Variants in CTNNA3 observed in about 807,000 individuals in gnomAD.
The protein encoded by CTNNA3 is catenin alpha 3.
Under a neutral mutation model 95.7 loss-of-function variants are expected in CTNNA3, and 76 were observed. The observed-to-expected ratio is 0.79, with a 90% CI of 0.66 to 0.96. The LOEUF is 0.96. Ranked by LOEUF, CTNNA3 falls within the 40% of genes least tolerant of loss-of-function variation. CTNNA3 has a pLI of 0.00. For missense variants in CTNNA3, 1,191 were observed against 1,089.8 expected (o/e 1.09, Z -1.31); for synonymous variants, 431 against 374.4 (o/e 1.15, Z -1.74).
intron 9 of CTNNA3, among the ~76,000 whole-genome samples, chr10:66,710,522 T>C (rs949443457): frequency 6.6e-6 from 1 of 151,942 alleles, no homozygotes; most frequent in Non-Finnish European, 1.5e-5. Flanking sequence ...TTATCTTTAA[T>C]GAAGATAATT....
chr10:67,442,165 GGT>G (rs1272436003), intron 5 of CTNNA3, among the ~76,000 whole-genome samples: 28 of 151,752 alleles, frequency 1.8e-4, no homozygotes, highest in Admixed American at 1.8e-3. Context: ...TAAAATAACG[GGT>G]TATAAGATAG....
chr10:66,079,399 C>T (rs1271954020), intron 14 of CTNNA3: 1 of 151,862 alleles, frequency 6.6e-6, no homozygotes, highest in Non-Finnish European at 1.5e-5. Flanking sequence ...TTTATAATGA[C>T]AAATTATATG....
At chr10:67,126,538 G>A (rs550311995) in intron 7 of CTNNA3, among the ~76,000 whole-genome samples, 2 of 152,166 alleles carry the variant, frequency 1.3e-5, no homozygotes, top group African/African-American at 4.8e-5. Context: ...GCAACAGAGC[G>A]ACAGAGCAAG....
intron 9 of CTNNA3, among the ~76,000 whole-genome samples, chr10:66,752,073 T>C (rs1050528547): frequency 4.6e-5 from 7 of 152,106 alleles, no homozygotes; most frequent in African/African-American, 1.7e-4. Context: ...ATCTTAACAA[T>C]AGTTGTGTAG....
rs533917090 is a variant in CTNNA3, at chr10:66,886,265, G to A, written c.1048-110741C>T. 8.1e-4 allele frequency among the ~76,000 whole-genome samples: 124 copies of A among 152,176 alleles called. 1 individual carries two copies. Among genetic ancestry groups the A allele is most frequent in the Non-Finnish European group, 1.6e-3 (112 of 68,008 alleles). ...GCCCACTTATAAGCTCAACAGACCTGGTCTCTTATTGCGAGAAACCCATTT... is the reference window on the plus strand; with the variant it reads ...GCCCACTTATAAGCTCAACAGACCTAGTCTCTTATTGCGAGAAACCCATTT... On this transcript the variant is annotated intron_variant, in intron 7 of 17. Transcript: ENST00000433211.
At chr10:66,382,534 A>C (rs989916439) in intron 11 of CTNNA3, among the ~76,000 whole-genome samples, 18 of 150,434 alleles carry the variant, frequency 1.2e-4, no homozygotes, top group African/African-American at 4.1e-4. Context: ...CAACTTTGGC[A>C]GGCATAAACG....
intron 7 of CTNNA3, among the ~76,000 whole-genome samples, chr10:66,994,476 G>T (rs1271547323): frequency 6.6e-6 from 1 of 152,114 alleles, no homozygotes; most frequent in African/African-American, 2.4e-5. Context: ...CCAAATATCT[G>T]CAATTCCTAG....
chr10:65,998,950 T>A (rs940937533), intron 15 of CTNNA3, among the ~76,000 whole-genome samples: 2 of 152,214 alleles, frequency 1.3e-5, no homozygotes, highest in African/African-American at 4.8e-5. Context: ...TTTCCCATGG[T>A]GCTTCTCAAA....
At chr10:66,958,376 A>C (rs1848940370) in intron 7 of CTNNA3, among the ~76,000 whole-genome samples, 1 of 150,924 alleles carries the variant, frequency 6.6e-6, no homozygotes, top group East Asian at 1.9e-4. Context: ...CTTGAAAGCT[A>C]TTAATAGAAA....
rs529966059 is a variant in CTNNA3, at chr10:66,894,631, C to G, written c.1048-119107G>C. Among the ~76,000 whole-genome samples the G allele has an allele frequency of 8.0e-4, 122 of 152,066 alleles. 1 individual carries two copies. The highest frequency in any genetic ancestry group is 2.8e-3 in the African/African-American group (116 of 41,538). The stretch of plus-strand genomic sequence containing the variant: ...TTTAGTATAGGAGTCTATATACTTA[C>G]TGAAAAATTAATTTTCTTATTCCTC... On this transcript the variant is annotated intron_variant, in intron 7 of 17. Transcript: ENST00000433211.
At chr10:66,551,040 A>ACG (rs1554816374) in intron 10 of CTNNA3, among the ~76,000 whole-genome samples, 2 of 151,894 alleles carry the variant, frequency 1.3e-5, no homozygotes, top group Non-Finnish European at 2.9e-5. Context: ...GAGAAAAATA[A>ACG]CTGTTTTCTG....
chr10:67,110,260 T>C (rs1233954886), intron 7 of CTNNA3, among the ~76,000 whole-genome samples: 2 of 152,178 alleles, frequency 1.3e-5, no homozygotes, highest in African/African-American at 2.4e-5. Context: ...TTAGTGACTA[T>C]AAATTAAATT....
At chr10:66,644,783 T>C (rs1284119932) in intron 9 of CTNNA3, among the ~76,000 whole-genome samples, 1 of 152,088 alleles carries the variant, frequency 6.6e-6, no homozygotes, top group Non-Finnish European at 1.5e-5. Context: ...GCAATAAGTC[T>C]ATACAATTTT....
intron 9 of CTNNA3, among the ~76,000 whole-genome samples, chr10:66,702,703 A>C (rs1310562244): frequency 2.3e-5 from 2 of 88,360 alleles, no homozygotes; most frequent in Non-Finnish European, 4.4e-5. Context: ...GTGAAACTCC[A>C]CCTCAAAAAA....
At chr10:67,350,308 C>T (rs555773896) in intron 5 of CTNNA3, among the ~76,000 whole-genome samples, 29 of 152,020 alleles carry the variant, frequency 1.9e-4, no homozygotes, top group Admixed American at 1.7e-3. Context: ...AAGAAAGCAC[C>T]ATTATAGAAA....
rs1437126707 is a variant in CTNNA3, at chr10:65,913,185, T to C, written c.*7145A>G. 6.6e-6 allele frequency: 1 copy of C among 152,138 alleles called. No homozygotes were observed. The highest frequency in any genetic ancestry group is 1.5e-5 in the Non-Finnish European group (1 of 68,004). 9.4% of individuals were successfully genotyped at this position (152,138 alleles called of 1,614,324 possible). A position where few individuals can be genotyped will look rare whatever the true frequency, so the allele number is the denominator to read the frequency against. On this transcript the variant is annotated 3_prime_UTR_variant, in exon 18 of 18. Coordinates refer to ENST00000433211, the MANE Select transcript of CTNNA3 (RefSeq NM_013266.4). ...GGTCACTACATTTAAGCTGTCAAAGTTGTTGTTGTAATACGACATAAAGTA... is the reference window on the plus strand; with the variant it reads ...GGTCACTACATTTAAGCTGTCAAAGCTGTTGTTGTAATACGACATAAAGTA...
intron 1 of CTNNA3, among the ~76,000 whole-genome samples, chr10:67,653,420 T>G (rs1349240100): frequency 5.3e-5 from 8 of 152,180 alleles, no homozygotes; most frequent in Admixed American, 4.6e-4. Context: ...TTAATTCATA[T>G]TCTTTCAAAT....
At chr10:66,462,391 A>G (rs1209897060) in intron 11 of CTNNA3, among the ~76,000 whole-genome samples, 1 of 152,078 alleles carries the variant, frequency 6.6e-6, no homozygotes, top group Non-Finnish European at 1.5e-5. Context: ...GGATTTCAAT[A>G]ACCTTTTTTT....
chr10:67,271,152 A>C (rs1478373757), intron 5 of CTNNA3, among the ~76,000 whole-genome samples: 1 of 152,148 alleles, frequency 6.6e-6, no homozygotes, highest in Non-Finnish European at 1.5e-5. Flanking sequence ...GGTTATTCTT[A>C]ATTGATGCCT....
Sources: gnomAD v4.1 joint callset for allele counts (sites outside exome capture counted in the v4.1 genomes callset) on GRCh38, gnomAD v4.1.1 for gene constraint, MANE v1.5 for transcripts, NCBI Gene and HGNC (gene_info 2026-07-23, HGNC 2026-07-21) for gene names.